Variants in GAPVD1 observed in about 807,000 individuals in gnomAD.
The protein encoded by GAPVD1 is GTPase activating protein and VPS9 domains 1, also known as GTPase-activating protein and VPS9 domain-containing protein 1.
In GAPVD1, 35 loss-of-function variants were observed where a neutral mutation model predicts 155.5. The observed-to-expected ratio is 0.23, with a 90% CI of 0.17 to 0.30. The LOEUF (loss-of-function observed/expected upper bound fraction) is 0.30. Among genes scored for constraint, GAPVD1 ranks in the 10% least tolerant of loss-of-function variants. The probability of loss-of-function intolerance (pLI) is 1.00; values close to 1 mark genes in which losing one functional copy is unlikely to be tolerated. For synonymous variants in GAPVD1, 636 were observed against 619.7 expected (o/e 1.03, Z -0.39); for missense variants, 1,429 against 1,775.7 (o/e 0.80, Z 3.51).
At chr9:125,296,098 A>T (rs359587) in intron 3 of GAPVD1, among the ~76,000 whole-genome samples, 91,493 of 152,024 alleles carry the variant, frequency 0.6, 29,642 homozygotes, top group African/African-American at 0.87. Context: ...GTTTATATTT[A>T]GCTATATTTA....
At position 125,302,488 on chromosome 9, in the gene GAPVD1, C is replaced by T; in HGVS notation, c.691C>T (p.Gln231Ter). 1 of 1,613,662 alleles carries T rather than the reference C, an allele frequency of 6.2e-7. No individual in the cohort carries two copies. The highest frequency in any genetic ancestry group is 8.5e-7 in the Non-Finnish European group (1 of 1,179,902). ...KLIERFSPSQQEKLFGEKGSD... is the reference protein window; with the variant it reads ...KLIERFSPSQ Reference sequence around the variant, plus strand: ...AATTGAGAGGTTCTCTCCATCTCAGCAGGAAAAACTCTTTGGAGAGAAGGG... The same window carrying T: ...AATTGAGAGGTTCTCTCCATCTCAGTAGGAAAAACTCTTTGGAGAGAAGGG... Residue 231 changes from glutamine (Q) to a stop codon, truncating the protein, a stop_gained, in exon 5 of 28, where the codon CAG becomes TAG. Coordinates refer to ENST00000297933, the MANE Select transcript of GAPVD1 (RefSeq NM_001282680.3). LOFTEE classifies it high-confidence loss of function.
intron 1 of GAPVD1, among the ~76,000 whole-genome samples, chr9:125,266,477 C>T (rs1045810995): frequency 2.0e-5 from 3 of 151,964 alleles, no homozygotes; most frequent in Non-Finnish European, 4.4e-5. Context: ...CCATGCCCAG[C>T]TAATTTTTTG....
At chr9:125,323,948 C>T in intron 11 of GAPVD1, 25 bp downstream of exon 11, 1 of 1,605,182 alleles carries the variant, frequency 6.2e-7, no homozygotes, top group Middle Eastern at 1.7e-4. Context: ...AACACAGTTG[C>T]CTAAGTAGCA....
chr9:125,262,610 T>C (rs1461628861), intron 1 of GAPVD1, among the ~76,000 whole-genome samples: 1 of 152,056 alleles, frequency 6.6e-6, no homozygotes, highest in African/African-American at 2.4e-5. Context: ...CAGGGAGACA[T>C]AGTGATAGGT....
At chr9:125,332,152 T>C (rs986076295) in intron 14 of GAPVD1, 92 bp downstream of exon 14, 5 of 1,225,226 alleles carry the variant, frequency 4.1e-6, no homozygotes, top group Admixed American at 2.3e-5. Flanking sequence ...AGATATGTTA[T>C]ATTTAAGAGC....
intron 1 of GAPVD1, chr9:125,263,464 C>T (rs911674771): frequency 4.7e-6 from 3 of 633,998 alleles, no homozygotes; most frequent in Admixed American, 5.0e-5. Flanking sequence ...CAAAACAAAA[C>T]AAAAAAACTC....
intron 8 of GAPVD1, chr9:125,308,459 C>G (rs1188621925): frequency 6.6e-6 from 1 of 151,770 alleles, no homozygotes; most frequent in Non-Finnish European, 1.5e-5. Context: ...ATAGTATTTT[C>G]TATTATTTTC....
Position 125,359,411 on chromosome 9 carries a change from G to A in GAPVD1, c.3972-9G>A, listed in dbSNP as rs1850606835. Reference sequence around the variant, plus strand: ...GAATGTTTACATGTGTATTTTGGGGGGTTTTCAGGGTTCTTCATGAACATA... The same window carrying A: ...GAATGTTTACATGTGTATTTTGGGGAGTTTTCAGGGTTCTTCATGAACATA... On this transcript the variant is annotated splice_polypyrimidine_tract_variant and intron_variant, in intron 25 of 27. Coordinates refer to ENST00000297933, the MANE Select transcript of GAPVD1 (RefSeq NM_001282680.3). 1 of 1,524,744 alleles carries A rather than the reference G, an allele frequency of 6.6e-7. No individual in the cohort carries two copies. The highest frequency in any genetic ancestry group is 9.1e-7 in the Non-Finnish European group (1 of 1,100,406). 94.5% of individuals were successfully genotyped at this position (1,524,744 alleles called of 1,614,324 possible).
chr9:125,320,727 G>A (rs538936966), intron 9 of GAPVD1, among the ~76,000 whole-genome samples: 9 of 151,950 alleles, frequency 5.9e-5, no homozygotes, highest in Non-Finnish European at 1.2e-4. Context: ...CCAGGTTCAC[G>A]CCATTCTTCT....
chr9:125,302,303 G>A lies in GAPVD1; in HGVS notation c.506G>A (p.Arg169Gln), dbSNP rs1237843913. 2 of 1,613,766 alleles carry A rather than the reference G, an allele frequency of 1.2e-6. No homozygotes were observed. The highest frequency in any genetic ancestry group is 1.3e-5 in the African/African-American group (1 of 74,912). The change falls in exon 5 of 28, where the codon CGA becomes CAA. Residue 169 changes from arginine (R) to glutamine (Q), a missense_variant. Physicochemically the swap from Arg to Gln is conservative, Grantham distance 43. Transcript: ENST00000297933. ...CTTAAAGAAAGTGACAACCCTAGGC[G>A]ACTTTTGAGGAGAGGAACTTGTGCC... The part of the protein sequence containing the change: ...FELKESDNPR[R>Q]LLRRGTCAFS...
chr9:125,295,009 TG>T (rs1451117761), intron 2 of GAPVD1, among the ~76,000 whole-genome samples: 2 of 151,790 alleles, frequency 1.3e-5, no homozygotes, highest in Admixed American at 1.3e-4. Context: ...CAGACAGAAC[TG>T]AGTTTGTTTG....
chr9:125,276,200 G>A (rs1419064850), intron 2 of GAPVD1, among the ~76,000 whole-genome samples: 1 of 152,110 alleles, frequency 6.6e-6, no homozygotes, highest in Non-Finnish European at 1.5e-5. Context: ...ACTTGTGCCA[G>A]GCAGCGTTAG....
rs1280000300 is a variant in GAPVD1, at chr9:125,360,618, A to G, written c.4135A>G (p.Ile1379Val). Residue 1379 changes from isoleucine to valine, a missense_variant, in exon 27 of 28, where the codon ATC (isoleucine) becomes GTC (valine). Transcript: ENST00000297933. ...YKTPRDKVQC[I>V]LRMCSTIMNL... ...AACCCCCCGGGACAAAGTGCAGTGC[A>G]TCCTGAGAATGTGCTCTACGATTAT... 1.9e-6 allele frequency: 3 copies of G among 1,613,844 alleles called. No homozygotes were observed. In the African/African-American group the frequency reaches 4.0e-5, roughly 22 times the overall value.
rs764255277 is a variant in GAPVD1 at position 125,366,090 on chromosome 9, G to A, written c.*3344G>A. The A allele has an allele frequency of 1.3e-5, 2 of 152,160 alleles. No homozygotes were observed. The highest frequency in any genetic ancestry group is 2.9e-5 in the Non-Finnish European group (2 of 68,038). 9.4% of individuals were successfully genotyped at this position (152,160 alleles called of 1,614,324 possible). On this transcript the variant is annotated 3_prime_UTR_variant, in exon 28 of 28. Coordinates refer to ENST00000297933, the MANE Select transcript of GAPVD1 (RefSeq NM_001282680.3). ...GCCTTCTGATACAGATAGTTAAATC[G>A]CTGTAGTAGGAGGCTCAGGTTTTCT... is the stretch of plus-strand genomic sequence containing the variant.
chr9:125,293,872 A>AAAAATATATTT (rs1564311645), intron 2 of GAPVD1, among the ~76,000 whole-genome samples: 1 of 14,620 alleles, frequency 6.8e-5, no homozygotes, highest in East Asian at 1.9e-3. Flanking sequence ...ATATATATAT[A>AAAAATATATTT]TATATATATA....
Position 125,364,093 on chromosome 9 carries a change from CTTG to C in GAPVD1, c.*1354_*1356del, listed in dbSNP as rs1337444198. 2 of 152,336 alleles carry C rather than the reference CTTG, an allele frequency of 1.3e-5. No individual in the cohort carries two copies. Among genetic ancestry groups the C allele is most frequent in the Non-Finnish European group, 2.9e-5 (2 of 68,024 alleles). The allele number at this position is 152,336 out of a possible 1,614,324, so 9.4% of individuals were successfully genotyped here. A position where few individuals can be genotyped will look rare whatever the true frequency, so the allele number is the denominator to read the frequency against. On this transcript the variant is annotated 3_prime_UTR_variant, in exon 28 of 28. Transcript: ENST00000297933. ...CAAACTCAGCCCCATACTTGAGTCC[CTTG>C]TTGTTGGGAGCATTTCCAGGCATCT...
At chr9:125,324,699 A>G (rs1276025199) in intron 11 of GAPVD1, among the ~76,000 whole-genome samples, 2 of 152,330 alleles carry the variant, frequency 1.3e-5, no homozygotes, top group African/African-American at 4.8e-5. Flanking sequence ...GTGAAGGACA[A>G]GCATAAGCAA....
At chr9:125,362,036 A>G (rs1304641933) in intron 27 of GAPVD1, among the ~76,000 whole-genome samples, 2 of 152,162 alleles carry the variant, frequency 1.3e-5, no homozygotes, top group African/African-American at 4.8e-5. Flanking sequence ...CACATGTGAT[A>G]AATCTAGTTC....
At position 125,321,306 on chromosome 9, in the gene GAPVD1, T is replaced by C. The variant is rs148165368; in HGVS notation, c.1603-127T>C. The C allele has an allele frequency of 4.5e-4, 286 of 632,764 alleles. 1 individual carries two copies. In the East Asian group the frequency reaches 8.1e-3, roughly 18 times the overall value. 39.2% of individuals were successfully genotyped at this position (632,764 alleles called of 1,614,324 possible). A position where few individuals can be genotyped will look rare whatever the true frequency, so the allele number is the denominator to read the frequency against. Reference sequence around the variant, plus strand: ...AGGTATTTAAAAGCTTGACAGACCTTCTAAATAGGTTTGTAGTTAAAAATT... The same window carrying C: ...AGGTATTTAAAAGCTTGACAGACCTCCTAAATAGGTTTGTAGTTAAAAATT... On this transcript the variant is annotated intron_variant, in intron 9 of 27. Coordinates refer to ENST00000297933, the MANE Select transcript of GAPVD1 (RefSeq NM_001282680.3).
Sources: gnomAD v4.1 joint callset for allele counts (sites outside exome capture counted in the v4.1 genomes callset) on GRCh38, gnomAD v4.1.1 for gene constraint, MANE v1.5 for transcripts, NCBI Gene and HGNC (gene_info 2026-07-23, HGNC 2026-07-21) for gene names.